Variants in KCNAB2 observed in about 807,000 individuals in gnomAD.
KCNAB2 encodes potassium voltage-gated channel subfamily A regulatory beta subunit 2.
Under a neutral mutation model 63.6 loss-of-function variants are expected in KCNAB2, and 29 were observed. That is an observed-to-expected ratio of 0.46 (90% CI 0.34 to 0.62). The LOEUF (loss-of-function observed/expected upper bound fraction) is 0.62, where lower values mean the gene tolerates loss of function less well. KCNAB2 is among the 20% of genes least tolerant of loss of function. KCNAB2 has a pLI of 0.01. For synonymous variants in KCNAB2, 222 were observed against 224.2 expected, an observed-to-expected ratio of 0.99 and a Z score of 0.09; for missense variants, 359 against 563.9, an observed-to-expected ratio of 0.64 and a Z score of 3.68.
At chr1:6,081,902 C>T (rs75943695) in intron 4 of KCNAB2, among the ~76,000 whole-genome samples, 2,651 of 152,332 alleles carry the variant, frequency 0.017, 73 homozygotes, top group African/African-American at 0.061. Context: ...AGGTGCTAAG[C>T]CCTGTGATGA....
chr1:6,059,778 T>C (rs1662150845), intron 2 of KCNAB2, among the ~76,000 whole-genome samples: 1 of 151,662 alleles, frequency 6.6e-6, no homozygotes, highest in African/African-American at 2.4e-5. Context: ...GCTCCTAGAG[T>C]TGGAAGTGAG....
chr1:6,004,146 T>C (rs1570822452), intron 1 of KCNAB2, among the ~76,000 whole-genome samples: 2 of 151,964 alleles, frequency 1.3e-5, no homozygotes, highest in Admixed American at 1.3e-4. Context: ...CCCACCAGGG[T>C]CCAGACCCCT....
intron 1 of KCNAB2, among the ~76,000 whole-genome samples, chr1:6,020,569 C>T (rs963245832): frequency 2.0e-5 from 3 of 152,214 alleles, no homozygotes; most frequent in Non-Finnish European, 4.4e-5. Flanking sequence ...CGCCACAGGC[C>T]ACCCCAGCTG....
Position 6,024,114 on chromosome 1 carries a change from G to A in KCNAB2, c.-52-16403G>A, listed in dbSNP as rs1314077067. On this transcript the variant is annotated intron_variant, in intron 1 of 16. Coordinates refer to the KCNAB2 transcript ENST00000341524. This position sits in a 1 kb window ranked among gnomAD's most constrained non-coding sequence, Gnocchi z 5.4. ...CCACCACCATGTCCAGCTAATTTTTGTATTTTTAGTAGAGACGGGGTTTCA... is the reference window on the plus strand; with the variant it reads ...CCACCACCATGTCCAGCTAATTTTTATATTTTTAGTAGAGACGGGGTTTCA... Among the ~76,000 whole-genome samples the A allele has an allele frequency of 6.6e-6, 1 of 152,096 alleles. No homozygotes were observed. The highest frequency in any genetic ancestry group is 2.4e-5 in the African/African-American group (1 of 41,410).
At chr1:6,030,162 T>G (rs553043158), upstream of KCNAB2, among the ~76,000 whole-genome samples, 1 of 152,374 alleles carries the variant, frequency 6.6e-6, no homozygotes, top group Admixed American at 6.5e-5. Context: ...GGTTAAGCGC[T>G]AAGATGAATT....
upstream of KCNAB2, among the ~76,000 whole-genome samples, chr1:6,042,530 C>T (rs1376824031): frequency 6.6e-6 from 1 of 152,190 alleles, no homozygotes; most frequent in Non-Finnish European, 1.5e-5. Context: ...GCCTCTCCCT[C>T]ACCTGTAAGG....
intron 2 of KCNAB2, among the ~76,000 whole-genome samples, chr1:6,056,525 C>T (rs1661842111): frequency 6.6e-6 from 1 of 152,200 alleles, no homozygotes; most frequent in Non-Finnish European, 1.5e-5. Context: ...CTCAGAATGG[C>T]AGGCCAGAAG....
At chr1:6,019,915 G>A (rs6688644) in intron 1 of KCNAB2, among the ~76,000 whole-genome samples, 17,541 of 152,212 alleles carry the variant, frequency 0.12, 1,332 homozygotes, top group East Asian at 0.3. Flanking sequence ...AATCTCCGGA[G>A]GGCGGAGCAG....
At position 6,003,938 on chromosome 1, in the gene KCNAB2, G is replaced by A. The variant is rs1373511406; in HGVS notation, c.-53+11150G>A. Among the ~76,000 whole-genome samples, 2 of 152,192 alleles carry A rather than the reference G, an allele frequency of 1.3e-5. No individual in the cohort carries two copies. The highest frequency in any genetic ancestry group is 2.1e-4 in the South Asian group (1 of 4,828). On this transcript the variant is annotated intron_variant, in intron 1 of 16. Transcript: ENST00000341524. This position sits in a 1 kb window ranked among gnomAD's most constrained non-coding sequence, Gnocchi z 4.1. ...CTGCCTTTCAAATTGCTGCCGCAGC[G>A]CTGCCTGGCAAGATGTTAATCGTTC...
At chr1:6,057,526 G>C (rs1391233436) in intron 2 of KCNAB2, among the ~76,000 whole-genome samples, 1 of 152,182 alleles carries the variant, frequency 6.6e-6, no homozygotes, top group Non-Finnish European at 1.5e-5. Flanking sequence ...GTGCATCCTG[G>C]GAAAGAGGGG....
chr1:6,097,442 C>A, intron 15 of KCNAB2, 85 bp downstream of exon 15: 2 of 1,543,882 alleles, frequency 1.3e-6, no homozygotes, highest in Non-Finnish European at 1.7e-6. Context: ...GTCCTGCGTG[C>A]CAGGCTCTGT....
intron 2 of KCNAB2, among the ~76,000 whole-genome samples, chr1:6,067,616 A>G (rs904249805): frequency 8.5e-5 from 13 of 152,218 alleles, no homozygotes; most frequent in Non-Finnish European, 1.9e-4. Context: ...AGGGTGAGAC[A>G]TGCTTTAATG....
chr1:6,015,500 G>A (rs1441170301), intron 1 of KCNAB2, among the ~76,000 whole-genome samples: 1 of 152,192 alleles, frequency 6.6e-6, no homozygotes, highest in African/African-American at 2.4e-5. Flanking sequence ...GAGATGGACT[G>A]GCCCGAAATG....
rs530084702 is a variant in KCNAB2, at chr1:6,053,139, C to G, written c.218+1385C>G. On this transcript the variant is annotated intron_variant, in intron 2 of 15. Transcript: ENST00000378083. ...GTTTTTCAGGCTTTGTATCCTAAAT[C>G]CAGCTGTAAAGGAAGGACAAAGGGT... 2.6e-4 allele frequency among the ~76,000 whole-genome samples: 40 copies of G among 152,254 alleles called. 1 individual carries two copies. The South Asian group carries it at 5.8e-3, about 22-fold the overall frequency.
rs1403357816 is a variant in KCNAB2, at chr1:5,995,048, G to C, written c.-53+2260G>C. The stretch of plus-strand genomic sequence containing the variant: ...TTTCCAGGGACTCTGGCCAGGTGCG[G>C]TATGTGTCTGGTCCTCGGCTAAGTT... On this transcript the variant is annotated intron_variant, in intron 1 of 16. Transcript: ENST00000341524. Among the ~76,000 whole-genome samples, 4 of 152,278 alleles carry C rather than the reference G, an allele frequency of 2.6e-5. No homozygotes were observed. The East Asian group carries it at 7.7e-4, about 29-fold the overall frequency.
rs1659933644 is a variant in KCNAB2 at position 6,035,192 on chromosome 1, C to G, written c.-53+398C>G. 6.9e-6 allele frequency among the ~76,000 whole-genome samples: 1 copy of G among 144,654 alleles called. No individual in the cohort carries two copies. The highest frequency in any genetic ancestry group is 1.5e-5 in the Non-Finnish European group (1 of 66,716). The allele number at this position is 144,654 out of a possible 152,430, so 94.9% of individuals were successfully genotyped here. A position where few individuals can be genotyped will look rare whatever the true frequency, so the allele number is the denominator to read the frequency against. On this transcript the variant is annotated intron_variant, in intron 1 of 15. Coordinates refer to the KCNAB2 transcript ENST00000164247. This position sits in a 1 kb window ranked among gnomAD's most constrained non-coding sequence, Gnocchi z 5.0. ...CCTGAGGTGGGAGTGAGTCTGTCTG[C>G]TGGGTTCACAGACCCCCAGGGAGCC... is the stretch of plus-strand genomic sequence containing the variant.
Position 6,078,605 on chromosome 1 carries a change from G to T in KCNAB2, c.301-3590G>T, listed in dbSNP as rs1663904453. On this transcript the variant is annotated intron_variant, in intron 4 of 15. Coordinates refer to ENST00000378083, the MANE Select transcript of KCNAB2 (RefSeq NM_001199862.2). This position sits in a 1 kb window ranked among gnomAD's most constrained non-coding sequence, Gnocchi z 4.2. ...GGGGATGCAGGGGATAGAGCTGGGG[G>T]TCAGGGTGCAGATCTGGTGGAGACT... is the stretch of plus-strand genomic sequence containing the variant. Among the ~76,000 whole-genome samples the T allele has an allele frequency of 6.6e-6, 1 of 152,158 alleles. No individual in the cohort carries two copies. Among genetic ancestry groups the T allele is most frequent in the African/African-American group, 2.4e-5 (1 of 41,446 alleles).
intron 5 of KCNAB2, among the ~76,000 whole-genome samples, chr1:6,084,658 A>G (rs1247323856): frequency 6.6e-6 from 1 of 152,146 alleles, no homozygotes; most frequent in Non-Finnish European, 1.5e-5. Context: ...TCTACTAAAA[A>G]TACAAAAATT....
chr1:6,096,659 G>A lies in KCNAB2; in HGVS notation c.972G>A (p.Lys324=). The change falls in exon 14 of 16, where the codon AAG becomes AAA. Residue 324 remains lysine (K), a synonymous_variant. Transcript: ENST00000378083. The surrounding 1 kb of genome is among the most constrained non-coding windows in gnomAD (Gnocchi z 5.9). The part of the protein sequence containing the change: ...SLKGYQWLKD[K]ILSEEGRRQQ... Reference sequence around the variant, plus strand: ...AGGGCTACCAGTGGCTGAAGGACAAGATCCTCAGTGAGGAGGGCCGGCGCC... The same window carrying A: ...AGGGCTACCAGTGGCTGAAGGACAAAATCCTCAGTGAGGAGGGCCGGCGCC... 6.2e-7 allele frequency: 1 copy of A among 1,610,468 alleles called. No individual in the cohort carries two copies.
Sources: allele counts gnomAD v4.1 joint callset (sites outside exome capture counted in the v4.1 genomes callset), GRCh38; gene constraint gnomAD v4.1.1; non-coding constraint Gnocchi (gnomAD v3.1); transcripts MANE v1.5; gene names NCBI Gene and HGNC (gene_info 2026-07-23, HGNC 2026-07-21).